Variants in POLR3F observed in about 807,000 individuals in gnomAD.
POLR3F encodes DNA-directed RNA polymerase III subunit RPC6.
In POLR3F, 31 loss-of-function variants were observed where a neutral mutation model predicts 43.6. The ratio of observed to expected loss-of-function variants is 0.71; its 90% CI spans 0.53 to 0.96. The LOEUF is 0.96. Among genes scored for constraint, POLR3F ranks in the 40% least tolerant of loss-of-function variants. The probability of loss-of-function intolerance (pLI) is 0.00; values close to 1 mark genes in which losing one functional copy is unlikely to be tolerated. For missense variants in POLR3F, 316 were observed against 391.7 expected (o/e 0.81, Z 1.63); for synonymous variants, 114 against 132.5 (o/e 0.86, Z 0.96).
intron 1 of POLR3F, among the ~76,000 whole-genome samples, chr20:18,468,248 TTA>T (rs1261323336): frequency 6.6e-6 from 1 of 152,140 alleles, no homozygotes; most frequent in Non-Finnish European, 1.5e-5. Flanking sequence ...AGCTAATTTT[TTA>T]TGTTTTAGTA....
intron 4 of POLR3F, among the ~76,000 whole-genome samples, chr20:18,473,797 C>T (rs1242652380): frequency 6.6e-6 from 1 of 151,932 alleles, no homozygotes; most frequent in Non-Finnish European, 1.5e-5. Flanking sequence ...GTTACTTAAA[C>T]TTTGTGAGCT....
At chr20:18,483,107 C>T (rs1462975679) in intron 8 of POLR3F, among the ~76,000 whole-genome samples, 1 of 152,078 alleles carries the variant, frequency 6.6e-6, no homozygotes, top group Admixed American at 6.6e-5. Flanking sequence ...TGCTGTCGCC[C>T]AGGCTGGAGT....
chr20:18,474,157 A>G (rs1329991043), intron 4 of POLR3F, among the ~76,000 whole-genome samples: 2 of 151,936 alleles, frequency 1.3e-5, no homozygotes, highest in Non-Finnish European at 2.9e-5. Context: ...CATTGGGAAG[A>G]AAATAAAGCA....
rs1568576021 is a variant in POLR3F, at chr20:18,468,929, T to C, written c.63-15T>C. The C allele has an allele frequency of 8.6e-7, 1 of 1,164,124 alleles. No individual in the cohort carries two copies. Among genetic ancestry groups the C allele is most frequent in the Non-Finnish European group, 1.3e-6 (1 of 769,028 alleles). 72.1% of individuals were successfully genotyped at this position (1,164,124 alleles called of 1,614,324 possible). A position where few individuals can be genotyped will look rare whatever the true frequency, so the allele number is the denominator to read the frequency against. On this transcript the variant is annotated splice_polypyrimidine_tract_variant and intron_variant, in intron 1 of 8. Transcript: ENST00000377603. ...AGGTAACCATGAAGGATAACATTAA[T>C]ACCTTTGTTTCTAGGATTATAGAAT...
chr20:18,479,578 C>T (rs1424822851), intron 5 of POLR3F, among the ~76,000 whole-genome samples: 1 of 152,184 alleles, frequency 6.6e-6, no homozygotes, highest in African/African-American at 2.4e-5. Flanking sequence ...GAAAAGCTTC[C>T]AATGCCCAAA....
chr20:18,480,033 C>A lies in POLR3F; in HGVS notation c.430-5C>A. 6.3e-7 allele frequency: 1 copy of A among 1,593,466 alleles called. No individual in the cohort carries two copies. Among genetic ancestry groups the A allele is most frequent in the Non-Finnish European group, 8.5e-7 (1 of 1,172,572 alleles). On this transcript the variant is annotated splice_region_variant and splice_polypyrimidine_tract_variant and intron_variant, in intron 5 of 8. Coordinates refer to ENST00000377603, the MANE Select transcript of POLR3F (RefSeq NM_006466.4). ...AACACATGAACTGTGCATGTTCTTT[C>A]CTAGGCCTCAAAAAAGAAGGTGTAT...
chr20:18,479,903 C>G (rs2059800959), intron 5 of POLR3F, 135 bp from the exon 6 acceptor site: 1 of 552,082 alleles, frequency 1.8e-6, no homozygotes, highest in Admixed American at 3.5e-5. Flanking sequence ...GGGGAAACAG[C>G]ATGATGTATA....
chr20:18,473,683 G>A (rs1001686168), intron 4 of POLR3F, among the ~76,000 whole-genome samples: 24 of 152,252 alleles, frequency 1.6e-4, no homozygotes, highest in Middle Eastern at 3.4e-3. Flanking sequence ...GATGGAAAAA[G>A]ACGTCTGAAT....
chr20:18,475,678 A>G (rs2059776353), intron 5 of POLR3F, among the ~76,000 whole-genome samples: 1 of 152,156 alleles, frequency 6.6e-6, no homozygotes, highest in South Asian at 2.1e-4. Flanking sequence ...TCTGCCCCTG[A>G]CCTCACTGAT....
chr20:18,472,029 G>C (rs2059755509), intron 2 of POLR3F, among the ~76,000 whole-genome samples: 1 of 152,134 alleles, frequency 6.6e-6, no homozygotes, highest in Non-Finnish European at 1.5e-5. Context: ...TCTCAACTGT[G>C]GCTTTCTAGT....
intron 5 of POLR3F, among the ~76,000 whole-genome samples, chr20:18,475,635 A>ACCCCTGCCCCT (rs1374627167): frequency 6.6e-6 from 1 of 151,818 alleles, no homozygotes; most frequent in Non-Finnish European, 1.5e-5. Context: ...ATCCTGCCCC[A>ACCCCTGCCCCT]CCCCTGCTCC....
chr20:18,479,562 C>G (rs1298503429), intron 5 of POLR3F, among the ~76,000 whole-genome samples: 1 of 152,058 alleles, frequency 6.6e-6, no homozygotes, highest in Non-Finnish European at 1.5e-5. Context: ...GATACAGGAA[C>G]CAAGTGAAAA....
In POLR3F at chr20:18,483,614, T is replaced by G; in HGVS notation, c.*56T>G. Reference sequence around the variant, plus strand: ...CAAATGAAGTTACTTAGGGAGCAGATAATTTAATTCATGATGGAACACGAA... The same window carrying G: ...CAAATGAAGTTACTTAGGGAGCAGAGAATTTAATTCATGATGGAACACGAA... On this transcript the variant is annotated 3_prime_UTR_variant, in exon 9 of 9. Coordinates refer to ENST00000377603, the MANE Select transcript of POLR3F (RefSeq NM_006466.4). 1.4e-6 allele frequency: 1 copy of G among 726,584 alleles called. No individual in the cohort carries two copies. The highest frequency in any genetic ancestry group is 2.7e-5 in the East Asian group (1 of 36,606). 45.0% of individuals were successfully genotyped at this position (726,584 alleles called of 1,614,324 possible).
At chr20:18,479,516 A>G (rs1601259403) in intron 5 of POLR3F, among the ~76,000 whole-genome samples, 1 of 152,300 alleles carries the variant, frequency 6.6e-6, no homozygotes, top group South Asian at 2.1e-4. Flanking sequence ...AAAAAGTGCT[A>G]AAATACACAC....
At chr20:18,469,122 T>C (rs1229717339) in intron 2 of POLR3F, 61 bp downstream of exon 2, 1 of 806,610 alleles carries the variant, frequency 1.2e-6, no homozygotes, top group Non-Finnish European at 2.2e-6. Context: ...TGGTTTTTAT[T>C]ATGTAGTTGT....
chr20:18,481,748 A>G lies in POLR3F; in HGVS notation c.811A>G (p.Arg271Gly). ...TGTAGATGGACACATGAAACTGTAC[A>G]GGGCAGTCAATCCAATCATCCCTCC... Reference protein sequence around the residue: ...GSVDGHMKLYRAVNPIIPPTG... With the variant: ...GSVDGHMKLYGAVNPIIPPTG... The change falls in exon 8 of 9, where the codon AGG (arginine) becomes GGG (glycine). Residue 271 changes from arginine (R) to glycine (G), a missense_variant. By Grantham distance (125) the Arg-to-Gly change is moderately radical (BLOSUM62 -2). Around this residue, in one of 3 missense-constraint regions of POLR3F, gnomAD observed 85 missense variants for 80.2 expected, o/e 1.06. Coordinates refer to ENST00000377603, the MANE Select transcript of POLR3F (RefSeq NM_006466.4). The G allele has an allele frequency of 6.2e-7, 1 of 1,613,596 alleles. No homozygotes were observed. Among genetic ancestry groups the G allele is most frequent in the Non-Finnish European group, 8.5e-7 (1 of 1,179,534 alleles).
intron 5 of POLR3F, 98 bp downstream of exon 5, chr20:18,475,285 C>A (rs2059774034): frequency 1.8e-6 from 1 of 568,212 alleles, no homozygotes; most frequent in Non-Finnish European, 3.2e-6. Context: ...TCAAAAAAGA[C>A]TTAAAAATTT....
chr20:18,467,417 C>T lies in POLR3F; in HGVS notation c.-90C>T, dbSNP rs2059694341. 1.4e-6 allele frequency: 2 copies of T among 1,416,338 alleles called. No homozygotes were observed. The highest frequency in any genetic ancestry group is 2.0e-6 in the Non-Finnish European group (2 of 1,002,744). The allele number at this position is 1,416,338 out of a possible 1,614,324, so 87.7% of individuals were successfully genotyped here. On this transcript the variant is annotated 5_prime_UTR_variant, in exon 1 of 9. Coordinates refer to ENST00000377603, the MANE Select transcript of POLR3F (RefSeq NM_006466.4). ...AGAAGGCCCCTCGGCCTCAGCAGAGCGCTATCCTCCACTGGTTCCCCGGGT... is the reference window on the plus strand; with the variant it reads ...AGAAGGCCCCTCGGCCTCAGCAGAGTGCTATCCTCCACTGGTTCCCCGGGT...
chr20:18,467,501 G>T lies in POLR3F; in HGVS notation c.-6G>T, dbSNP rs776490073. The T allele has an allele frequency of 1.2e-6, 2 of 1,614,238 alleles. No homozygotes were observed. Among genetic ancestry groups the T allele is most frequent in the Admixed American group, 1.7e-5 (1 of 60,038 alleles). ...TTTCCCCCCAGGCGTCAGGAACTGC[G>T]CCCTCATGGCGGAGGTGAAGGTGAA... On this transcript the variant is annotated 5_prime_UTR_variant, in exon 1 of 9. Coordinates refer to ENST00000377603, the MANE Select transcript of POLR3F (RefSeq NM_006466.4).
Sources: gnomAD v4.1 joint callset for allele counts (sites outside exome capture counted in the v4.1 genomes callset) on GRCh38, gnomAD v4.1.1 for gene constraint, gnomAD v4.1.1 regional missense constraint, MANE v1.5 for transcripts, NCBI Gene and HGNC (gene_info 2026-07-23, HGNC 2026-07-21) for gene names.